AGAP5: variants seen among roughly 807,000 people sequenced by gnomAD.
AGAP5 encodes ArfGAP with GTPase domain, ankyrin repeat and PH domain 5.
A neutral mutation model predicts 27.7 loss-of-function variants in AGAP5; 8 were observed. That is an observed-to-expected ratio of 0.29 (90% CI 0.17 to 0.52). The LOEUF (loss-of-function observed/expected upper bound fraction) is 0.52, where lower values mean the gene tolerates loss of function less well. AGAP5 is among the 20% of genes least tolerant of loss of function. The pLI is 0.97. For synonymous variants in AGAP5, 111 were observed against 338.0 expected (o/e 0.33, Z 7.37); for missense variants, 285 against 880.8 (o/e 0.32, Z 8.56).
chr10:73,691,775 A>G (rs1387290486), intron 4 of AGAP5, among the ~76,000 whole-genome samples: 2 of 152,206 alleles, frequency 1.3e-5, no homozygotes, highest in African/African-American at 4.8e-5. Context: ...TATAGACGTT[A>G]GCCACCATGC....
chr10:73,677,612 C>T (rs1589465503), intron 6 of AGAP5, among the ~76,000 whole-genome samples: 1 of 151,694 alleles, frequency 6.6e-6, no homozygotes, highest in East Asian at 1.9e-4. Context: ...TCTTGAACTC[C>T]TAACCTCAGG....
intron 7 of AGAP5, 127 bp from the exon 8 acceptor site, chr10:73,676,201 A>C (rs1043665020): frequency 7.0e-7 from 1 of 1,431,138 alleles, no homozygotes; most frequent in Non-Finnish European, 9.3e-7. Flanking sequence ...TCACACCTGT[A>C]ATCACAGCAC....
At chr10:73,689,705 T>C (rs1158757368) in intron 4 of AGAP5, among the ~76,000 whole-genome samples, 33 of 149,212 alleles carry the variant, frequency 2.2e-4, no homozygotes, top group African/African-American at 8.2e-4. Flanking sequence ...GGAGACCCTC[T>C]GCCTGGCAAC....
At chr10:73,696,420 A>G (rs2082162808) in intron 2 of AGAP5, among the ~76,000 whole-genome samples, 1 of 152,232 alleles carries the variant, frequency 6.6e-6, no homozygotes, top group Non-Finnish European at 1.5e-5. Context: ...AAGGTCTGAC[A>G]TTTTAACCTG....
At chr10:73,689,998 C>G (rs1420425825) in intron 4 of AGAP5, among the ~76,000 whole-genome samples, 2 of 151,708 alleles carry the variant, frequency 1.3e-5, no homozygotes, top group Admixed American at 6.6e-5. Flanking sequence ...GGGTCAGCCC[C>G]CCGCCTGGCC....
In AGAP5 at chr10:73,689,511, C is replaced by G. The variant is rs557195805; in HGVS notation, c.396+2532G>C. Reference sequence around the variant, plus strand: ...CCAGTCTGGAAAGTGAGGAGCGTCTCTGCCCGGCCGCCATCCCAACTAGGA... The same window carrying G: ...CCAGTCTGGAAAGTGAGGAGCGTCTGTGCCCGGCCGCCATCCCAACTAGGA... On this transcript the variant is annotated intron_variant, in intron 4 of 7. Coordinates refer to ENST00000374094, the MANE Select transcript of AGAP5 (RefSeq NM_001144000.4). 6.6e-5 allele frequency among the ~76,000 whole-genome samples: 10 copies of G among 150,844 alleles called. No homozygotes were observed. The South Asian group carries it at 1.9e-3, about 29-fold the overall frequency.
intron 6 of AGAP5, among the ~76,000 whole-genome samples, chr10:73,677,046 T>C (rs1252646906): frequency 2.0e-5 from 3 of 152,102 alleles, no homozygotes; most frequent in African/African-American, 7.2e-5. Context: ...ACCAAACATA[T>C]TTTCACTCTT....
rs1405044009 is a variant in AGAP5 at position 73,697,925 on chromosome 10, C to A, written c.-170G>T. On this transcript the variant is annotated 5_prime_UTR_variant, in exon 1 of 8. Transcript: ENST00000374094. ...GCACCATCCCTGGCCCCGGCCCCGG[C>A]CCCGGCTAGGGCTGCGGGTCAAGGC... 7.4e-5 allele frequency: 113 copies of A among 1,528,610 alleles called. No homozygotes were observed. The highest frequency in any genetic ancestry group is 9.5e-5 in the Non-Finnish European group (109 of 1,143,048). The allele number at this position is 1,528,610 out of a possible 1,614,324, so 94.7% of individuals were successfully genotyped here.
chr10:73,698,008 T>C lies in AGAP5; in HGVS notation c.-253A>G. On this transcript the variant is annotated 5_prime_UTR_variant, in exon 1 of 8. Transcript: ENST00000374094. Reference sequence around the variant, plus strand: ...TCTGGGAGGGTGAAGACCAGCTGGCTTATTTAATAGGTTGTGAACCCAACA... The same window carrying C: ...TCTGGGAGGGTGAAGACCAGCTGGCCTATTTAATAGGTTGTGAACCCAACA... The C allele has an allele frequency of 6.9e-7, 1 of 1,451,890 alleles. No individual in the cohort carries two copies. The allele number at this position is 1,451,890 out of a possible 1,614,324, so 89.9% of individuals were successfully genotyped here. A position where few individuals can be genotyped will look rare whatever the true frequency, so the allele number is the denominator to read the frequency against.
chr10:73,687,881 AT>A (rs2082078636), intron 4 of AGAP5, among the ~76,000 whole-genome samples: 1 of 152,234 alleles, frequency 6.6e-6, no homozygotes, highest in Non-Finnish European at 1.5e-5. Flanking sequence ...GGAGTGGTAA[AT>A]AACACAGAAA....
intron 3 of AGAP5, among the ~76,000 whole-genome samples, 179 bp downstream of exon 3, chr10:73,694,557 C>T (rs1045868289): frequency 7.2e-5 from 11 of 152,226 alleles, no homozygotes; most frequent in African/African-American, 2.2e-4. Context: ...AAAGGTTACA[C>T]GTTTTCACTA....
chr10:73,674,887 C>G lies in AGAP5; in HGVS notation c.1773G>C (p.Leu591=), dbSNP rs557330725. 7.4e-5 allele frequency: 119 copies of G among 1,612,256 alleles called. 1 individual carries two copies. The East Asian group carries it at 2.6e-3, about 35-fold the overall frequency. Residue 591 remains leucine (L), a synonymous_variant, in exon 8 of 8, where the codon CTG becomes CTC. Coordinates refer to ENST00000374094, the MANE Select transcript of AGAP5 (RefSeq NM_001144000.4). ...GGTCCTCATCAGCGGTGGCCCGCAGCAGGTGCTGGCCCAGGGACAGCTCAG... is the reference window on the plus strand; with the variant it reads ...GGTCCTCATCAGCGGTGGCCCGCAGGAGGTGCTGGCCCAGGGACAGCTCAG... ...PCTELSLGQH[L]LRATADEDLQ...
chr10:73,686,873 C>T (rs1250972547), intron 4 of AGAP5, among the ~76,000 whole-genome samples: 3 of 152,094 alleles, frequency 2.0e-5, no homozygotes, highest in Non-Finnish European at 4.4e-5. Context: ...TGAAATAACT[C>T]GGCATGGAAA....
intron 6 of AGAP5, among the ~76,000 whole-genome samples, chr10:73,678,086 TTTTATTTAAAA>T (rs1156800865): frequency 6.6e-6 from 1 of 152,020 alleles, no homozygotes; most frequent in Non-Finnish European, 1.5e-5. Context: ...AGAACATCAT[TTTTATTTAAAA>T]GTACAACTGG....
chr10:73,687,996 A>C (rs1565006667), intron 4 of AGAP5, among the ~76,000 whole-genome samples: 1 of 152,144 alleles, frequency 6.6e-6, no homozygotes, highest in Non-Finnish European at 1.5e-5. Flanking sequence ...GCACTTTGGA[A>C]AGCAGGGTAA....
intron 4 of AGAP5, among the ~76,000 whole-genome samples, chr10:73,689,242 G>C (rs541323352): frequency 1.3e-5 from 2 of 152,356 alleles, no homozygotes; most frequent in African/African-American, 4.8e-5. Context: ...GCCAGCCTCG[G>C]CCTCCCGAGG....
intron 4 of AGAP5, among the ~76,000 whole-genome samples, chr10:73,690,627 A>G (rs553092743): frequency 2.0e-5 from 3 of 150,692 alleles, no homozygotes; most frequent in South Asian, 4.2e-4. Context: ...AAAAAAAAAG[A>G]GCACAACTGC....
chr10:73,689,062 A>G (rs2082089217), intron 4 of AGAP5, among the ~76,000 whole-genome samples: 1 of 152,128 alleles, frequency 6.6e-6, no homozygotes, highest in African/African-American at 2.4e-5. Flanking sequence ...TACTGCTGCC[A>G]TCTCGGCTCA....
intron 6 of AGAP5, among the ~76,000 whole-genome samples, chr10:73,677,376 C>CTT (rs3998276): frequency 4.0e-4 from 13 of 32,500 alleles, no homozygotes; most frequent in East Asian, 1.7e-3. Flanking sequence ...CATAACTGTT[C>CTT]TTTTTTTTTT....
Sources: gnomAD v4.1 joint callset for allele counts (sites outside exome capture counted in the v4.1 genomes callset) on GRCh38, gnomAD v4.1.1 for gene constraint, MANE v1.5 for transcripts, NCBI Gene and HGNC (gene_info 2026-07-23, HGNC 2026-07-21) for gene names.